The following OXSR1 variants were observed in gnomAD, a reference collection of about 807,000 sequenced individuals.
OXSR1 encodes oxidative stress responsive kinase 1.
In OXSR1, 24 loss-of-function variants were observed where a neutral mutation model predicts 79.8. That is an observed-to-expected ratio of 0.30 (90% confidence interval 0.22 to 0.42). The LOEUF (loss-of-function observed/expected upper bound fraction) is 0.42. Among genes scored for constraint, OXSR1 ranks in the 10% least tolerant of loss-of-function variants. OXSR1 has a pLI of 1.00. For missense variants in OXSR1, 430 were observed against 618.4 expected, an observed-to-expected ratio of 0.70 and a Z score of 3.23; for synonymous variants, 226 against 209.2, an observed-to-expected ratio of 1.08 and a Z score of -0.69.
intron 4 of OXSR1, among the ~76,000 whole-genome samples, chr3:38,208,538 A>T (rs1184982911): frequency 6.6e-6 from 1 of 152,058 alleles, no homozygotes; most frequent in African/African-American, 2.4e-5. Flanking sequence ...AGAAATACTC[A>T]TTTTTTCCTA....
chr3:38,251,341 G>A (rs1350020699), intron 15 of OXSR1, 62 bp from the exon 16 acceptor site: 2 of 1,351,550 alleles, frequency 1.5e-6, no homozygotes, highest in South Asian at 1.2e-5. Context: ...CACATGAGCT[G>A]TGAGAGTTAA....
intron 11 of OXSR1, among the ~76,000 whole-genome samples, chr3:38,238,577 G>T (rs745767947): frequency 1.6e-4 from 25 of 151,984 alleles, no homozygotes; most frequent in Non-Finnish European, 3.5e-4. Flanking sequence ...TGTTTGTAGG[G>T]TATAGAATTC....
intron 8 of OXSR1, 114 bp from the exon 9 acceptor site, chr3:38,229,573 A>G: frequency 1.3e-6 from 1 of 748,778 alleles, no homozygotes; most frequent in Non-Finnish European, 2.3e-6. Flanking sequence ...AGTAGAGTAT[A>G]CTGAGTTTTT....
At chr3:38,173,914 G>T (rs1308772842) in intron 1 of OXSR1, among the ~76,000 whole-genome samples, 4 of 152,200 alleles carry the variant, frequency 2.6e-5, no homozygotes, top group Non-Finnish European at 5.9e-5. Context: ...TGGGGTTTCA[G>T]TTTTAGGTCA....
chr3:38,253,633 A>G lies in OXSR1; in HGVS notation c.*742A>G, dbSNP rs1425173661. ...ACTTTGGATTGTTTTTACAGACAAC[A>G]TCGAGTAATGGCTTGTAAATGTGAA... On this transcript the variant is annotated 3_prime_UTR_variant, in exon 18 of 18. Coordinates refer to ENST00000311806, the MANE Select transcript of OXSR1 (RefSeq NM_005109.3). 3 of 152,630 alleles carry G rather than the reference A, an allele frequency of 2.0e-5. No homozygotes were observed. Among genetic ancestry groups the G allele is most frequent in the Non-Finnish European group, 4.4e-5 (3 of 68,094 alleles). 9.5% of individuals were successfully genotyped at this position (152,630 alleles called of 1,614,324 possible). A position where few individuals can be genotyped will look rare whatever the true frequency, so the allele number is the denominator to read the frequency against.
At chr3:38,232,066 C>T (rs1163643423) in intron 10 of OXSR1, among the ~76,000 whole-genome samples, 1 of 152,056 alleles carries the variant, frequency 6.6e-6, no homozygotes, top group Non-Finnish European at 1.5e-5. Flanking sequence ...GAGATTGTGC[C>T]ACTGTACTCC....
chr3:38,179,806 ATC>A (rs1023289616), intron 1 of OXSR1, among the ~76,000 whole-genome samples: 3 of 150,044 alleles, frequency 2.0e-5, no homozygotes, highest in African/African-American at 7.4e-5. Flanking sequence ...ATTGGAAATA[ATC>A]TTTTTTTTTT....
At position 38,217,629 on chromosome 3, in the gene OXSR1, A is replaced by G. The variant is rs1047076520; in HGVS notation, c.490+1478A>G. Among the ~76,000 whole-genome samples, 3 of 152,060 alleles carry G rather than the reference A, an allele frequency of 2.0e-5. No individual in the cohort carries two copies. The East Asian group carries it at 5.8e-4, about 29-fold the overall frequency. ...TGCAACCTGTGCCTTCCAGGTTCAA[A>G]AGATTCTTGTGCCTCAGCCTCCCAA... On this transcript the variant is annotated intron_variant, in intron 5 of 17. Coordinates refer to ENST00000311806, the MANE Select transcript of OXSR1 (RefSeq NM_005109.3).
chr3:38,209,629 TA>T lies in OXSR1; in HGVS notation c.435-6466del, dbSNP rs1702343965. 4.0e-5 allele frequency among the ~76,000 whole-genome samples: 6 copies of T among 150,060 alleles called. No homozygotes were observed. The South Asian group carries it at 1.3e-3, about 31-fold the overall frequency. Reference sequence around the variant, plus strand: ...TCGTTTCCTCTCTTAGGATATCAATTATACTTTTTTTTTTTTTTTTTTTGAG... The same window carrying T: ...TCGTTTCCTCTCTTAGGATATCAATTTACTTTTTTTTTTTTTTTTTTTGAG... On this transcript the variant is annotated intron_variant, in intron 4 of 17. Transcript: ENST00000311806.
At chr3:38,199,890 G>GCCAGTGGGGCTTCCATTCAGTC (rs1280809972) in intron 4 of OXSR1, among the ~76,000 whole-genome samples, 1 of 152,210 alleles carries the variant, frequency 6.6e-6, no homozygotes, top group Non-Finnish European at 1.5e-5. Flanking sequence ...CCCACCTGGT[G>GCCAGTGGGGCTTCCATTCAGTC]CCAGTGGGGC....
At chr3:38,252,715 G>A in intron 17 of OXSR1, 102 bp from the exon 18 acceptor site, 1 of 866,988 alleles carries the variant, frequency 1.2e-6, no homozygotes, top group Non-Finnish European at 1.9e-6. Flanking sequence ...CTAGGGACCT[G>A]TTGCCCACTG....
chr3:38,185,123 G>A (rs1392578962), intron 2 of OXSR1, among the ~76,000 whole-genome samples: 1 of 145,026 alleles, frequency 6.9e-6, no homozygotes, highest in Non-Finnish European at 1.5e-5. Context: ...CTCCATCTCT[G>A]AAAAAAAAAT....
At chr3:38,229,613 T>G in intron 8 of OXSR1, 74 bp from the exon 9 acceptor site, 1 of 1,331,698 alleles carries the variant, frequency 7.5e-7, no homozygotes, top group Non-Finnish European at 1.1e-6. Context: ...TTTTTTCTCA[T>G]TTTTGATGAT....
Position 38,254,202 on chromosome 3 carries a change from A to C in OXSR1, c.*1311A>C. On this transcript the variant is annotated 3_prime_UTR_variant, in exon 18 of 18. Coordinates refer to ENST00000311806, the MANE Select transcript of OXSR1 (RefSeq NM_005109.3). The stretch of plus-strand genomic sequence containing the variant: ...AAAGATGGGCTGTGGGTCCCTGGAA[A>C]GGGGGAGAGTTGCCCTTTACAGAAT... 1 of 398,902 alleles carries C rather than the reference A, an allele frequency of 2.5e-6. No individual in the cohort carries two copies. The highest frequency in any genetic ancestry group is 3.6e-5 in the East Asian group (1 of 28,070). The allele number at this position is 398,902 out of a possible 1,614,324, so 24.7% of individuals were successfully genotyped here. A position where few individuals can be genotyped will look rare whatever the true frequency, so the allele number is the denominator to read the frequency against.
chr3:38,252,852 T>C lies in OXSR1; in HGVS notation c.1545T>C (p.Asp515=). The change falls in exon 18 of 18, where the codon GAT becomes GAC. Residue 515 remains aspartate (D), a synonymous_variant. Coordinates refer to ENST00000311806, the MANE Select transcript of OXSR1 (RefSeq NM_005109.3). ...SGVEGSDIPD[D]GKLIGFAQLS... is the part of the protein sequence containing the mutation. ...TCGAAGGCTCAGATATTCCTGATGA[T>C]GGTAAACTGATAGGATTTGCCCAGC... 2.5e-6 allele frequency: 4 copies of C among 1,613,814 alleles called. No individual in the cohort carries two copies. Among genetic ancestry groups the C allele is most frequent in the Non-Finnish European group, 3.4e-6 (4 of 1,179,758 alleles).
At chr3:38,202,704 G>A (rs548269055) in intron 4 of OXSR1, among the ~76,000 whole-genome samples, 2 of 152,294 alleles carry the variant, frequency 1.3e-5, no homozygotes, top group Non-Finnish European at 2.9e-5. Flanking sequence ...TTAATCATTA[G>A]CTTTTAATAT....
chr3:38,235,194 A>C (rs1030364299), intron 10 of OXSR1, among the ~76,000 whole-genome samples: 2 of 152,202 alleles, frequency 1.3e-5, no homozygotes, highest in African/African-American at 4.8e-5. Flanking sequence ...TGAATATACT[A>C]AAAATCATTG....
intron 8 of OXSR1, among the ~76,000 whole-genome samples, chr3:38,227,526 T>C (rs1702713301): frequency 6.7e-6 from 1 of 148,180 alleles, no homozygotes. Context: ...AGGTTCAGTA[T>C]GTTTGTGTGT....
intron 11 of OXSR1, among the ~76,000 whole-genome samples, chr3:38,239,490 C>G (rs1178684793): frequency 6.6e-6 from 1 of 152,082 alleles, no homozygotes; most frequent in Admixed American, 6.6e-5. Flanking sequence ...CCATTTATTC[C>G]CCATTACTGA....
Sources: gnomAD v4.1 joint callset for allele counts (sites outside exome capture counted in the v4.1 genomes callset) on GRCh38, gnomAD v4.1.1 for gene constraint, MANE v1.5 for transcripts, NCBI Gene and HGNC (gene_info 2026-07-23, HGNC 2026-07-21) for gene names.